Variants in TRIM31 observed in about 807,000 individuals in gnomAD.
TRIM31 encodes E3 ubiquitin-protein ligase TRIM31.
In TRIM31, 31 loss-of-function variants were observed where a neutral mutation model predicts 40.6. That is an observed-to-expected ratio of 0.76 (90% CI 0.57 to 1.03). The LOEUF is 1.03. TRIM31 is among the 50% of genes least tolerant of loss of function. TRIM31 has a pLI of 0.00. For missense variants in TRIM31, 455 were observed against 497.5 expected (o/e 0.91, Z 0.81); for synonymous variants, 164 against 193.9 (o/e 0.85, Z 1.28).
At chr6:30,105,112 C>A in intron 7 of TRIM31, 56 bp downstream of exon 7, 1 of 1,485,342 alleles carries the variant, frequency 6.7e-7, no homozygotes, top group Non-Finnish European at 9.3e-7. Context: ...ACAATTCTTC[C>A]CCTTTTCTCA....
chr6:30,106,990 C>T (rs1162011353), intron 6 of TRIM31, among the ~76,000 whole-genome samples: 4 of 152,114 alleles, frequency 2.6e-5, no homozygotes, highest in African/African-American at 4.8e-5. Flanking sequence ...ACACCAGCGA[C>T]TTGGGAAGCT....
chr6:30,111,896 G>A, intron 2 of TRIM31, 153 bp from the exon 3 acceptor site: 2 of 701,514 alleles, frequency 2.9e-6, no homozygotes, highest in Non-Finnish European at 4.8e-6. Flanking sequence ...GGGGAAAGGG[G>A]TTGCTGAGAA....
At position 30,112,629 on chromosome 6, in the gene TRIM31, G is replaced by T; in HGVS notation, c.177C>A (p.Ser59=). Residue 59 remains serine (S), a synonymous_variant, in exon 2 of 9, where the codon TCC becomes TCA. Coordinates refer to ENST00000376734, the MANE Select transcript of TRIM31 (RefSeq NM_007028.5). ...TGAACCTGATTGCGTTCTTCCTTAC[G>T]GAAGTTTTGCAGAGGGGACATTTGA... ...GFFKCPLCKT[S]VRKNAIRFNS... 1 of 1,613,048 alleles carries T rather than the reference G, an allele frequency of 6.2e-7. No homozygotes were observed. The highest frequency in any genetic ancestry group is 8.5e-7 in the Non-Finnish European group (1 of 1,180,038).
intron 7 of TRIM31, among the ~76,000 whole-genome samples, chr6:30,104,934 A>G (rs541130568): frequency 6.6e-6 from 1 of 152,346 alleles, no homozygotes; most frequent in African/African-American, 2.4e-5. Context: ...GGAGTGAAGA[A>G]ATACATTTGT....
chr6:30,105,443 A>G, intron 6 of TRIM31: 1 of 486,848 alleles, frequency 2.1e-6, no homozygotes, highest in Non-Finnish European at 3.6e-6. Context: ...TGCCTAGCCC[A>G]GCACTGTCCA....
At position 30,103,725 on chromosome 6, in the gene TRIM31, CCG is replaced by C. The variant is rs761547214; in HGVS notation, c.1087_1088del (p.Arg363GlyfsTer18). The C allele has an allele frequency of 6.2e-7, 1 of 1,612,970 alleles. No homozygotes were observed. The highest frequency in any genetic ancestry group is 1.1e-5 in the South Asian group (1 of 91,080). ...HSSAPSHSLF[R>X]ASSAGKVTFP... Reference sequence around the variant, plus strand: ...AAGTGACTTTCCCAGCAGACGAGGCCCGAAACAGGGAGTGGGATGGGGCTGAA... The same window carrying C: ...AAGTGACTTTCCCAGCAGACGAGGCCAAACAGGGAGTGGGATGGGGCTGAA... On this transcript the variant is annotated frameshift_variant, in exon 9 of 9. Transcript: ENST00000376734. LOFTEE classifies it low-confidence loss of function (END_TRUNC).
At position 30,108,040 on chromosome 6, in the gene TRIM31, G is replaced by A. The variant is rs146389739; in HGVS notation, c.883+13C>T. On this transcript the variant is annotated intron_variant, in intron 6 of 8. Coordinates refer to ENST00000376734, the MANE Select transcript of TRIM31 (RefSeq NM_007028.5). ...GAAGTAGGTGAATAGAGAAAATACA[G>A]CCTCTTCCTTACCTTTGAATTTTTT... The A allele has an allele frequency of 1.3e-6, 2 of 1,520,142 alleles. No homozygotes were observed. Among genetic ancestry groups the A allele is most frequent in the African/African-American group, 1.4e-5 (1 of 73,280 alleles). 94.2% of individuals were successfully genotyped at this position (1,520,142 alleles called of 1,614,324 possible). A position where few individuals can be genotyped will look rare whatever the true frequency, so the allele number is the denominator to read the frequency against.
In TRIM31 at chr6:30,112,442, C is replaced by A; in HGVS notation, c.364G>T (p.Asp122Tyr). The A allele has an allele frequency of 6.2e-7, 1 of 1,613,082 alleles. No homozygotes were observed. Among genetic ancestry groups the A allele is most frequent in the Non-Finnish European group, 8.5e-7 (1 of 1,180,028 alleles). Residue 122 changes from aspartate (D) to tyrosine (Y), a missense_variant, in exon 2 of 9, where the codon GAC becomes TAC. Physicochemically the swap from Asp to Tyr is radical, Grantham distance 160 (BLOSUM62 -3). Transcript: ENST00000376734. ...FLCFVCRESK[D>Y]HKSHNVSLIE... ...AAGCTGACATTATGGGATTTGTGGTCCTTGGATTCACGACACACAAAACAG... is the reference window on the plus strand; with the variant it reads ...AAGCTGACATTATGGGATTTGTGGTACTTGGATTCACGACACACAAAACAG...
rs1387119088 is a variant in TRIM31 at position 30,112,438 on chromosome 6, T to C, written c.368A>G (p.His123Arg). 14 of 1,612,938 alleles carry C rather than the reference T, an allele frequency of 8.7e-6. No homozygotes were observed. Among genetic ancestry groups the C allele is most frequent in the Non-Finnish European group, 1.1e-5 (13 of 1,180,032 alleles). ...LCFVCRESKD[H>R]KSHNVSLIEE... Reference sequence around the variant, plus strand: ...GATCAAGCTGACATTATGGGATTTGTGGTCCTTGGATTCACGACACACAAA... The same window carrying C: ...GATCAAGCTGACATTATGGGATTTGCGGTCCTTGGATTCACGACACACAAA... The change falls in exon 2 of 9, where the codon CAC (histidine) becomes CGC (arginine). Residue 123 changes from histidine (H) to arginine (R), a missense_variant. Transcript: ENST00000376734.
intron 7 of TRIM31, 108 bp from the exon 8 acceptor site, chr6:30,104,275 C>A (rs1344929432): frequency 9.1e-7 from 1 of 1,094,710 alleles, no homozygotes. Flanking sequence ...CAATGGTTCT[C>A]AGTGGGACCC....
In TRIM31 at chr6:30,103,586, C is replaced by T. The variant is rs146885411; in HGVS notation, c.1228G>A (p.Glu410Lys). 1.9e-6 allele frequency: 3 copies of T among 1,613,104 alleles called. No individual in the cohort carries two copies. Among genetic ancestry groups the T allele is most frequent in the Non-Finnish European group, 2.5e-6 (3 of 1,180,036 alleles). Residue 410 changes from glutamate to lysine, a missense_variant, in exon 9 of 9, where the codon GAG becomes AAG. Physicochemically the swap from Glu to Lys is moderately conservative, Grantham distance 56. Coordinates refer to ENST00000376734, the MANE Select transcript of TRIM31 (RefSeq NM_007028.5). ...CAAGCCCGGATCGCTGTCAGCCACT[C>T]ACTCAGTGCCGCATGGAGCTCCTCG... is the stretch of plus-strand genomic sequence containing the variant. ...LSEELHAALS[E>K]WLTAIRAWFC...
At chr6:30,106,030 A>G (rs1768650806) in intron 6 of TRIM31, among the ~76,000 whole-genome samples, 1 of 152,246 alleles carries the variant, frequency 6.6e-6, no homozygotes, top group African/African-American at 2.4e-5. Flanking sequence ...CACCCCTGCC[A>G]GAAGAGACTC....
In TRIM31 at chr6:30,112,628, C is replaced by A; in HGVS notation, c.178G>T (p.Val60Leu). The change falls in exon 2 of 9, where the codon GTA (valine) becomes TTA (leucine). Residue 60 changes from valine to leucine, a missense_variant. Coordinates refer to ENST00000376734, the MANE Select transcript of TRIM31 (RefSeq NM_007028.5). ...TTGAACCTGATTGCGTTCTTCCTTA[C>A]GGAAGTTTTGCAGAGGGGACATTTG... is the stretch of plus-strand genomic sequence containing the variant. ...FFKCPLCKTS[V>L]RKNAIRFNSL... is the part of the protein sequence containing the mutation. 1 of 1,613,084 alleles carries A rather than the reference C, an allele frequency of 6.2e-7. No individual in the cohort carries two copies. The highest frequency in any genetic ancestry group is 1.3e-5 in the African/African-American group (1 of 75,046).
rs1768474153 is a variant in TRIM31 at position 30,104,240 on chromosome 6, C to A, written c.959-73G>T. The A allele has an allele frequency of 4.8e-6, 7 of 1,447,268 alleles. No individual in the cohort carries two copies. The South Asian group carries it at 6.9e-5, about 14-fold the overall frequency. 89.7% of individuals were successfully genotyped at this position (1,447,268 alleles called of 1,614,324 possible). ...TGCAAATTAAAAACAAAAACAAGCA[C>A]CCTGCCATCATCAATCAGAACAGTC... On this transcript the variant is annotated intron_variant, in intron 7 of 8. Transcript: ENST00000376734.
In TRIM31 at chr6:30,112,785, C is replaced by A; in HGVS notation, c.21G>T (p.Val7=). 1 of 1,610,026 alleles carries A rather than the reference C, an allele frequency of 6.2e-7. No homozygotes were observed. The highest frequency in any genetic ancestry group is 8.5e-7 in the Non-Finnish European group (1 of 1,178,504). The stretch of plus-strand genomic sequence containing the variant: ...AGATCACTTCCTCTTGCAGTTTGTT[C>A]ACAAACTGCCCACTGGCCATGACAG... MASGQF[V]NKLQEEVICP... is the part of the protein sequence containing the mutation. The change falls in exon 2 of 9, where the codon GTG becomes GTT. Residue 7 remains valine (V), a synonymous_variant. Transcript: ENST00000376734.
At chr6:30,111,436 C>T (rs1414665153) in intron 3 of TRIM31, 6 of 553,170 alleles carry the variant, frequency 1.1e-5, no homozygotes, top group Non-Finnish European at 1.6e-5. Flanking sequence ...CGTGCCCCAC[C>T]TTGTCTGCCG....
chr6:30,112,227 C>G, intron 2 of TRIM31, 162 bp downstream of exon 2: 1 of 706,112 alleles, frequency 1.4e-6, no homozygotes, highest in Non-Finnish European at 2.3e-6. Flanking sequence ...GTTCCCCAGA[C>G]TCAGCTCTTT....
Position 30,104,137 on chromosome 6 carries a change from A to AT in TRIM31, c.988dup (p.Met330AsnfsTer52). The AT allele has an allele frequency of 6.2e-7, 1 of 1,612,974 alleles. No individual in the cohort carries two copies. Among genetic ancestry groups the AT allele is most frequent in the Non-Finnish European group, 8.5e-7 (1 of 1,180,018 alleles). Reference sequence around the variant, plus strand: ...TGACCCGGGCTCTGAGGTTTTGTTCATTTTATGATTATTTTTCTGTAACAA... The same window carrying AT: ...TGACCCGGGCTCTGAGGTTTTGTTCATTTTTATGATTATTTTTCTGTAACAA... On this transcript the variant is annotated frameshift_variant, in exon 8 of 9. Coordinates refer to ENST00000376734, the MANE Select transcript of TRIM31 (RefSeq NM_007028.5). LOFTEE classifies it low-confidence loss of function (END_TRUNC).
chr6:30,109,133 G>C, intron 4 of TRIM31, 85 bp from the exon 5 acceptor site: 7 of 1,419,844 alleles, frequency 4.9e-6, no homozygotes, highest in Non-Finnish European at 6.0e-6. Flanking sequence ...TGCTGGGTGT[G>C]GGGCAGAGCA....
Sources: gnomAD v4.1 joint callset for allele counts (sites outside exome capture counted in the v4.1 genomes callset) on GRCh38, gnomAD v4.1.1 for gene constraint, MANE v1.5 for transcripts, NCBI Gene and HGNC (gene_info 2026-07-23, HGNC 2026-07-21) for gene names.